LGR4: variants seen among roughly 807,000 people sequenced by gnomAD.
LGR4 encodes the protein leucine-rich repeat-containing G protein-coupled receptor 4.
In LGR4, 44 loss-of-function variants were observed where a neutral mutation model predicts 84.8. The ratio of observed to expected loss-of-function variants is 0.52; its 90% CI spans 0.41 to 0.67. The LOEUF (loss-of-function observed/expected upper bound fraction) is 0.67. Among genes scored for constraint, LGR4 ranks in the 30% least tolerant of loss-of-function variants. LGR4 has a pLI of 0.00. For missense variants in LGR4, 1,032 were observed against 1,131.4 expected (o/e 0.91, Z 1.26); for synonymous variants, 429 against 434.3 (o/e 0.99, Z 0.15).
chr11:27,458,544 A>AT lies in LGR4; in HGVS notation c.185+13573dup, dbSNP rs561155202. Among the ~76,000 whole-genome samples, 193 of 147,264 alleles carry AT rather than the reference A, an allele frequency of 1.3e-3. 1 individual carries two copies. The highest frequency in any genetic ancestry group is 1.5e-3 in the South Asian group (7 of 4,684). ...TTTTGTTTTCTTAATTTTTTTAAGT[A>AT]TTTTTTTTTTTGAGATGGAATTTCG... On this transcript the variant is annotated intron_variant, in intron 1 of 17. Coordinates refer to ENST00000379214, the MANE Select transcript of LGR4 (RefSeq NM_018490.5).
rs149603971 is a variant in LGR4 at position 27,380,694 on chromosome 11, G to A, written c.848C>T (p.Pro283Leu). The A allele has an allele frequency of 8.8e-6, 14 of 1,599,654 alleles. No homozygotes were observed. The highest frequency in any genetic ancestry group is 1.2e-5 in the Non-Finnish European group (14 of 1,168,966). The change falls in exon 9 of 18, where the codon CCT (proline) becomes CTT (leucine). Residue 283 changes from proline (P) to leucine (L), a missense_variant. Physicochemically the swap from Pro to Leu is moderately conservative, Grantham distance 98. Coordinates refer to ENST00000379214, the MANE Select transcript of LGR4 (RefSeq NM_018490.5). ...LLRTIHLYDN[P>L]LSFVGNSAFH... is the part of the protein sequence containing the mutation. Reference sequence around the variant, plus strand: ...TGCTGAGTTCCCCACAAAAGACAGAGGATTATCATACAAATGTCTGTGAAA... The same window carrying A: ...TGCTGAGTTCCCCACAAAAGACAGAAGATTATCATACAAATGTCTGTGAAA...
intron 3 of LGR4, 69 bp downstream of exon 3, chr11:27,392,378 C>A: frequency 8.1e-7 from 1 of 1,229,844 alleles, no homozygotes; most frequent in Non-Finnish European, 1.1e-6. Flanking sequence ...TAACCTAGTT[C>A]CAAGCATGTT....
chr11:27,373,343 C>A (rs942889847), intron 15 of LGR4: 5 of 426,486 alleles, frequency 1.2e-5, no homozygotes, highest in Non-Finnish European at 2.1e-5. Context: ...CTCTTTGAGG[C>A]CATCAAGGGC....
intron 17 of LGR4, among the ~76,000 whole-genome samples, chr11:27,370,315 G>C (rs1862856353): frequency 6.6e-6 from 1 of 152,172 alleles, no homozygotes; most frequent in African/African-American, 2.4e-5. Flanking sequence ...AGTGCTAAGA[G>C]AAAGCTCGTT....
At chr11:27,461,836 A>T (rs1221405604) in intron 1 of LGR4, among the ~76,000 whole-genome samples, 33 of 76,566 alleles carry the variant, frequency 4.3e-4, no homozygotes, top group East Asian at 8.9e-4. Flanking sequence ...TTGAGTTAGG[A>T]TTTTTTTTTT....
intron 1 of LGR4, among the ~76,000 whole-genome samples, chr11:27,453,028 C>A (rs1009532425): frequency 3.3e-5 from 5 of 151,968 alleles, no homozygotes; most frequent in African/African-American, 4.8e-5. Flanking sequence ...CCTACATGCA[C>A]AGTGACTTTT....
In LGR4 at chr11:27,472,423, C is replaced by G. The variant is rs1378099245; in HGVS notation, c.-121G>C. On this transcript the variant is annotated 5_prime_UTR_variant, in exon 1 of 18. Coordinates refer to ENST00000379214, the MANE Select transcript of LGR4 (RefSeq NM_018490.5). The stretch of plus-strand genomic sequence containing the variant: ...GCTGGAGCGGGGGTCTCTTCCTCGG[C>G]GGTCCGCGCGGGCTCGGCCCCTTCA... 1.2e-5 allele frequency: 9 copies of G among 729,002 alleles called. No individual in the cohort carries two copies. Among genetic ancestry groups the G allele is most frequent in the African/African-American group, 9.2e-5 (5 of 54,190 alleles). 45.2% of individuals were successfully genotyped at this position (729,002 alleles called of 1,614,324 possible).
chr11:27,430,747 A>G (rs1441867752), intron 1 of LGR4, among the ~76,000 whole-genome samples: 1 of 152,088 alleles, frequency 6.6e-6, no homozygotes, highest in Non-Finnish European at 1.5e-5. Context: ...TTTGACCTAC[A>G]CATGGCAGTC....
chr11:27,448,285 T>C (rs1590401796), intron 1 of LGR4, among the ~76,000 whole-genome samples: 3 of 142,036 alleles, frequency 2.1e-5, no homozygotes, highest in African/African-American at 4.9e-5. Flanking sequence ...GTTGTTCTTT[T>C]TTTTCTTTTC....
intron 1 of LGR4, among the ~76,000 whole-genome samples, chr11:27,464,572 AAG>A (rs1864742876): frequency 6.6e-6 from 1 of 152,218 alleles, no homozygotes; most frequent in Non-Finnish European, 1.5e-5. Context: ...TGTTTACACT[AAG>A]AGCTACATAA....
intron 1 of LGR4, among the ~76,000 whole-genome samples, chr11:27,464,965 A>C (rs570304934): frequency 6.6e-6 from 1 of 152,192 alleles, no homozygotes; most frequent in African/African-American, 2.4e-5. Context: ...GCAGCCTTTT[A>C]AAAAGGCTTA....
rs770231477 is a variant in LGR4 at position 27,372,366 on chromosome 11, C to A, written c.1412G>T (p.Cys471Phe). 4.3e-6 allele frequency: 7 copies of A among 1,612,954 alleles called. No homozygotes were observed. The highest frequency in any genetic ancestry group is 5.1e-6 in the Non-Finnish European group (6 of 1,179,034). The change falls in exon 16 of 18, where the codon TGT becomes TTT. Residue 471 changes from cysteine to phenylalanine, a missense_variant. Coordinates refer to ENST00000379214, the MANE Select transcript of LGR4 (RefSeq NM_018490.5). ...ATAAGAGTCACAACCCCAAAATGCACAGCACTGATAAGCATATGGTACTGA... is the reference window on the plus strand; with the variant it reads ...ATAAGAGTCACAACCCCAAAATGCAAAGCACTGATAAGCATATGGTACTGA... ...SLSVPYAYQCCAFWGCDSYAN... is the reference protein window; with the variant it reads ...SLSVPYAYQCFAFWGCDSYAN...
chr11:27,409,790 A>G (rs1863676355), intron 2 of LGR4, among the ~76,000 whole-genome samples: 1 of 152,074 alleles, frequency 6.6e-6, no homozygotes, highest in Non-Finnish European at 1.5e-5. Context: ...CACCCTTACT[A>G]CTACCCTCAT....
At chr11:27,455,107 T>C (rs577237425) in intron 1 of LGR4, among the ~76,000 whole-genome samples, 2 of 152,276 alleles carry the variant, frequency 1.3e-5, no homozygotes, top group African/African-American at 2.4e-5. Flanking sequence ...ACCATCATAG[T>C]TCCCTGCAGC....
intron 7 of LGR4, 80 bp downstream of exon 7, chr11:27,382,108 G>A (rs2063752183): frequency 3.3e-6 from 3 of 915,546 alleles, no homozygotes; most frequent in Admixed American, 2.0e-5. Context: ...GGAACAAGAT[G>A]TTCTAAAATC....
At chr11:27,425,776 C>T (rs1864013503) in intron 1 of LGR4, among the ~76,000 whole-genome samples, 1 of 152,118 alleles carries the variant, frequency 6.6e-6, no homozygotes, top group South Asian at 2.1e-4. Context: ...GTTTGGACTG[C>T]CTTGGAAAAA....
At chr11:27,436,373 G>GAAAGAAAGAA (rs768756233) in intron 1 of LGR4, among the ~76,000 whole-genome samples, 6 of 133,788 alleles carry the variant, frequency 4.5e-5, no homozygotes, top group African/African-American at 1.8e-4. Flanking sequence ...AAGAAAGAAA[G>GAAAGAAAGAA]AGAGAGAGAG....
chr11:27,465,843 A>C (rs1343022036), intron 1 of LGR4, among the ~76,000 whole-genome samples: 1 of 152,250 alleles, frequency 6.6e-6, no homozygotes, highest in Non-Finnish European at 1.5e-5. Flanking sequence ...GTGTAAGAGT[A>C]CTGATTTGCT....
At chr11:27,454,161 C>T (rs57456494) in intron 1 of LGR4, among the ~76,000 whole-genome samples, 2,803 of 152,230 alleles carry the variant, frequency 0.018, 81 homozygotes, top group African/African-American at 0.064. Context: ...ATTGCCAATC[C>T]GAAAATTTTT....
Sources: allele counts gnomAD v4.1 joint callset (sites outside exome capture counted in the v4.1 genomes callset), GRCh38; gene constraint gnomAD v4.1.1; transcripts MANE v1.5; gene names NCBI Gene and HGNC (gene_info 2026-07-23, HGNC 2026-07-21).